DCHS2: variants seen among roughly 807,000 people sequenced by gnomAD.
DCHS2 encodes dachsous cadherin-related 2, also known as protocadherin-23.
A neutral mutation model predicts 182.4 loss-of-function variants in DCHS2; 142 were observed. The observed-to-expected ratio is 0.78, with a 90% confidence interval of 0.68 to 0.89. DCHS2 has a LOEUF of 0.89. Among genes scored for constraint, DCHS2 ranks in the 40% least tolerant of loss-of-function variants. The probability of loss-of-function intolerance (pLI) is 0.00; values close to 1 mark genes in which losing one functional copy is unlikely to be tolerated. For synonymous variants in DCHS2, 1,740 were observed against 1,663.3 expected, an observed-to-expected ratio of 1.05 and a Z score of -1.12; for missense variants, 4,319 against 4,198.6, an observed-to-expected ratio of 1.03 and a Z score of -0.79.
chr4:154,476,818 A>AAG (rs1334252706), intron 1 of DCHS2, among the ~76,000 whole-genome samples: 1 of 152,246 alleles, frequency 6.6e-6, no homozygotes, highest in African/African-American at 2.4e-5. Context: ...GATATATGAT[A>AAG]AGAGATATTA....
intron 7 of DCHS2, among the ~76,000 whole-genome samples, chr4:154,326,830 T>C (rs1736304104): frequency 6.6e-6 from 1 of 152,154 alleles, no homozygotes; most frequent in Non-Finnish European, 1.5e-5. Context: ...ACTTCCCACT[T>C]GTTATTTGGA....
chr4:154,240,887 G>A, intron 17 of DCHS2, 64 bp from the exon 18 acceptor site: 1 of 1,565,688 alleles, frequency 6.4e-7, no homozygotes. Flanking sequence ...CATTTCTTTA[G>A]TAGTTCCATC....
At chr4:154,370,340 AT>A (rs1561072643) in intron 2 of DCHS2, among the ~76,000 whole-genome samples, 1 of 152,264 alleles carries the variant, frequency 6.6e-6, no homozygotes, top group East Asian at 1.9e-4. Flanking sequence ...GGAAAAATAG[AT>A]CAAATAAAGA....
chr4:154,373,966 T>C (rs759676652), intron 2 of DCHS2: 5 of 1,540,878 alleles, frequency 3.2e-6, no homozygotes, highest in East Asian at 4.7e-5. Flanking sequence ...CTGAAAACAA[T>C]GAATTGATCC....
At chr4:154,337,606 T>C (rs61600257) in intron 3 of DCHS2, among the ~76,000 whole-genome samples, 196 of 152,304 alleles carry the variant, frequency 1.3e-3, no homozygotes, top group African/African-American at 4.2e-3. Context: ...CAGTACCTTT[T>C]GCTCTAGGCA....
intron 13 of DCHS2, among the ~76,000 whole-genome samples, chr4:154,277,952 A>T (rs1733930563): frequency 1.3e-5 from 2 of 151,914 alleles, no homozygotes; most frequent in South Asian, 2.1e-4. Flanking sequence ...GAGGCAGGAG[A>T]ATCGCTGGAA....
rs371045082 is a variant in DCHS2, at chr4:154,425,993, T to C, written c.2053-48549A>G. ...CCCAGGCTACATGGATCCCTGGGCC[T>C]TTCTTTGATCGCCCTCCCCTGCCCT... On this transcript the variant is annotated intron_variant, in intron 1 of 19. Transcript: ENST00000357232. Among the ~76,000 whole-genome samples the C allele has an allele frequency of 1.9e-3, 292 of 152,354 alleles. 1 individual carries two copies. Among genetic ancestry groups the C allele is most frequent in the African/African-American group, 6.4e-3 (265 of 41,604 alleles).
chr4:154,325,758 G>A (rs1007971920), intron 7 of DCHS2, among the ~76,000 whole-genome samples: 3 of 152,122 alleles, frequency 2.0e-5, no homozygotes, highest in Non-Finnish European at 4.4e-5. Flanking sequence ...AGGTAAATAA[G>A]TTCGGATGGT....
At chr4:154,402,355 G>A (rs1732223471) in intron 1 of DCHS2, among the ~76,000 whole-genome samples, 2 of 152,098 alleles carry the variant, frequency 1.3e-5, no homozygotes, top group South Asian at 4.1e-4. Context: ...GGCTGTCCTA[G>A]ATCCACTATA....
intron 1 of DCHS2, among the ~76,000 whole-genome samples, chr4:154,447,777 T>A (rs1734363322): frequency 6.6e-6 from 1 of 152,206 alleles, no homozygotes; most frequent in Admixed American, 6.5e-5. Flanking sequence ...ACTACCTTTT[T>A]AGATAATTTT....
chr4:154,244,227 T>C (rs1731970149), intron 16 of DCHS2, among the ~76,000 whole-genome samples: 1 of 152,232 alleles, frequency 6.6e-6, no homozygotes, highest in African/African-American at 2.4e-5. Flanking sequence ...TTTTCTATAG[T>C]AAGTATTGAA....
chr4:154,426,516 G>T (rs1009840149), intron 1 of DCHS2, among the ~76,000 whole-genome samples: 1 of 152,160 alleles, frequency 6.6e-6, no homozygotes, highest in African/African-American at 2.4e-5. Context: ...GTAATACAAA[G>T]TGCAGGTCCA....
At chr4:154,249,561 T>C (rs1293259876) in intron 16 of DCHS2, among the ~76,000 whole-genome samples, 3 of 152,180 alleles carry the variant, frequency 2.0e-5, no homozygotes, top group African/African-American at 7.2e-5. Context: ...AGCAATCCTA[T>C]TGCTGGGTAT....
At chr4:154,465,676 A>C (rs2111007120) in intron 1 of DCHS2, among the ~76,000 whole-genome samples, 1 of 152,142 alleles carries the variant, frequency 6.6e-6, no homozygotes, top group Non-Finnish European at 1.5e-5. Context: ...CTCAAAAAAA[A>C]AAAAAGTGAC....
At chr4:154,284,475 A>G (rs946232100) in intron 13 of DCHS2, 4 of 152,214 alleles carry the variant, frequency 2.6e-5, no homozygotes, top group Non-Finnish European at 5.9e-5. Flanking sequence ...ACTTCATATC[A>G]CCAAAAGAGG....
At chr4:154,393,543 A>C (rs1318558233) in intron 1 of DCHS2, among the ~76,000 whole-genome samples, 3 of 152,202 alleles carry the variant, frequency 2.0e-5, no homozygotes, top group Non-Finnish European at 1.5e-5. Context: ...CCAATGTCAT[A>C]AGTGCTGCCT....
rs143419229 is a variant in DCHS2 at position 154,235,837 on chromosome 4, T to C, written c.8815A>G (p.Arg2939Gly). Reference sequence around the variant, plus strand: ...TGACTTTTTATTAGGGGAAGGGCTCTAATCAAATAAATATTTCCATTGGTT... The same window carrying C: ...TGACTTTTTATTAGGGGAAGGGCTCCAATCAAATAAATATTTCCATTGGTT... ...NKTNGNIYLI[R>G]ALPLIKSQLN... Residue 2939 changes from arginine to glycine, a missense_variant, in exon 20 of 20, where the codon AGA becomes GGA. Transcript: ENST00000357232. 6 of 1,614,030 alleles carry C rather than the reference T, an allele frequency of 3.7e-6. No homozygotes were observed. Among genetic ancestry groups the C allele is most frequent in the Non-Finnish European group, 5.1e-6 (6 of 1,179,968 alleles).
chr4:154,466,631 G>T (rs564591932), intron 1 of DCHS2, among the ~76,000 whole-genome samples: 1 of 152,136 alleles, frequency 6.6e-6, no homozygotes, highest in Admixed American at 6.5e-5. Context: ...TGATCTATTC[G>T]AATGCTAAGT....
chr4:154,331,129 T>C (rs1736503277), intron 5 of DCHS2, among the ~76,000 whole-genome samples: 2 of 152,196 alleles, frequency 1.3e-5, no homozygotes, highest in South Asian at 4.1e-4. Flanking sequence ...CTTGCCATGC[T>C]GTCCTTGGGA....
Sources: gnomAD v4.1 joint callset for allele counts (sites outside exome capture counted in the v4.1 genomes callset) on GRCh38, gnomAD v4.1.1 for gene constraint, MANE v1.5 for transcripts, NCBI Gene and HGNC (gene_info 2026-07-23, HGNC 2026-07-21) for gene names.